GALNT18: variants seen among roughly 807,000 people sequenced by gnomAD.
The protein encoded by GALNT18 is polypeptide N-acetylgalactosaminyltransferase 18.
A neutral mutation model predicts 69.5 loss-of-function variants in GALNT18; 44 were observed. The observed-to-expected ratio is 0.63, with a 90% confidence interval of 0.50 to 0.81. GALNT18 has a LOEUF of 0.81. Among genes scored for constraint, GALNT18 ranks in the 40% least tolerant of loss-of-function variants. GALNT18 has a pLI of 0.00. For missense variants in GALNT18, 715 were observed against 810.0 expected (o/e 0.88, Z 1.42); for synonymous variants, 364 against 318.2 (o/e 1.14, Z -1.53).
At chr11:11,539,255 G>C (rs1479155245) in intron 1 of GALNT18, among the ~76,000 whole-genome samples, 1 of 152,146 alleles carries the variant, frequency 6.6e-6, no homozygotes, top group Non-Finnish European at 1.5e-5. Flanking sequence ...CTGCCCCAAA[G>C]CATGGCTAGT....
chr11:11,458,711 C>T (rs1364280412), intron 1 of GALNT18, among the ~76,000 whole-genome samples: 2 of 152,268 alleles, frequency 1.3e-5, no homozygotes, highest in Non-Finnish European at 2.9e-5. Context: ...GCCGGAACAG[C>T]AGCGTTCAGC....
intron 7 of GALNT18, among the ~76,000 whole-genome samples, chr11:11,335,490 T>G (rs1358147273): frequency 6.6e-6 from 1 of 152,166 alleles, no homozygotes; most frequent in Non-Finnish European, 1.5e-5. Flanking sequence ...TAGAAAACAA[T>G]AAATGCATCT....
intron 1 of GALNT18, among the ~76,000 whole-genome samples, chr11:11,460,036 C>A (rs144070849): frequency 6.6e-6 from 1 of 152,286 alleles, no homozygotes; most frequent in Non-Finnish European, 1.5e-5. Context: ...CATCCCACAT[C>A]GCAGCACTCT....
chr11:11,553,293 A>G (rs11021923), intron 1 of GALNT18, among the ~76,000 whole-genome samples: 7,301 of 152,266 alleles, frequency 0.048, 191 homozygotes, highest in Middle Eastern at 0.068. Flanking sequence ...GGTCCTGAGT[A>G]AACCTTCCCA....
intron 3 of GALNT18, among the ~76,000 whole-genome samples, chr11:11,400,808 C>A (rs1198185553): frequency 2.0e-5 from 3 of 151,870 alleles, no homozygotes; most frequent in Non-Finnish European, 4.4e-5. Context: ...CTCTAATTGG[C>A]TGGATGGTGA....
chr11:11,350,440 C>T (rs995459255), intron 6 of GALNT18, among the ~76,000 whole-genome samples: 10 of 152,206 alleles, frequency 6.6e-5, no homozygotes, highest in African/African-American at 2.4e-4. Context: ...CTCATATCAG[C>T]CAACAGGCCT....
rs1854833971 is a variant in GALNT18 at position 11,415,443 on chromosome 11, G to T, written c.595+17178C>A. The stretch of plus-strand genomic sequence containing the variant: ...AGCCACCTACTTGTATAATAAGTAG[G>T]TCCTCCAAGTTCATGTGAGTCTGTC... On this transcript the variant is annotated intron_variant, in intron 3 of 10. Transcript: ENST00000227756. This position sits in a 1 kb window ranked among gnomAD's most constrained non-coding sequence, Gnocchi z 4.1. Among the ~76,000 whole-genome samples, 1 of 152,054 alleles carries T rather than the reference G, an allele frequency of 6.6e-6. No individual in the cohort carries two copies. Among genetic ancestry groups the T allele is most frequent in the African/African-American group, 2.4e-5 (1 of 41,398 alleles).
intron 9 of GALNT18, among the ~76,000 whole-genome samples, chr11:11,306,127 AC>A (rs1849574028): frequency 6.6e-6 from 1 of 152,118 alleles, no homozygotes. Context: ...GAGGCTCAAT[AC>A]CTTTTTAGCA....
intron 1 of GALNT18, among the ~76,000 whole-genome samples, chr11:11,504,488 G>A (rs1456139556): frequency 2.6e-5 from 4 of 152,090 alleles, no homozygotes; most frequent in African/African-American, 9.7e-5. Flanking sequence ...CGGGCGTGAT[G>A]GCTCATGTGT....
intron 10 of GALNT18, among the ~76,000 whole-genome samples, chr11:11,276,209 G>C (rs1337707228): frequency 1.3e-5 from 2 of 152,156 alleles, no homozygotes; most frequent in African/African-American, 2.4e-5. Context: ...TCATGTCCTT[G>C]AGCAGTGCTT....
intron 3 of GALNT18, among the ~76,000 whole-genome samples, chr11:11,405,976 C>A (rs10765847): frequency 0.35 from 53,655 of 152,020 alleles, 10,227 homozygotes; most frequent in East Asian, 0.69. Context: ...GTCGGCAGTC[C>A]TGCTGGACCA....
chr11:11,360,953 T>C (rs752212237), intron 6 of GALNT18, among the ~76,000 whole-genome samples: 25 of 152,196 alleles, frequency 1.6e-4, no homozygotes, highest in Non-Finnish European at 2.4e-4. Flanking sequence ...CATTGGTAGA[T>C]CAAAGAACAC....
intron 1 of GALNT18, among the ~76,000 whole-genome samples, chr11:11,608,766 T>A (rs758348594): frequency 7.2e-5 from 11 of 152,182 alleles, no homozygotes; most frequent in Non-Finnish European, 1.5e-4. Flanking sequence ...CATGACTGCC[T>A]GCACACTCTC....
At position 11,563,640 on chromosome 11, in the gene GALNT18, G is replaced by C. The variant is rs1324629610; in HGVS notation, c.235+57719C>G. ...AACTAAGGCTCAAAGCCTAAGGCTA[G>C]CTTGTGGTTGCTGGTGGGGGCCCCA... On this transcript the variant is annotated intron_variant, in intron 1 of 10. Transcript: ENST00000227756. The surrounding 1 kb of genome is among the most constrained non-coding windows in gnomAD (Gnocchi z 4.6). 6.6e-6 allele frequency among the ~76,000 whole-genome samples: 1 copy of C among 152,216 alleles called. No homozygotes were observed. The highest frequency in any genetic ancestry group is 1.5e-5 in the Non-Finnish European group (1 of 68,048).
At chr11:11,305,705 G>C (rs1436872854) in intron 9 of GALNT18, among the ~76,000 whole-genome samples, 2 of 152,278 alleles carry the variant, frequency 1.3e-5, no homozygotes, top group Middle Eastern at 3.4e-3. Flanking sequence ...AGAAGGATTT[G>C]TGCTTGGTGT....
chr11:11,279,274 T>G (rs1443231530), intron 10 of GALNT18, among the ~76,000 whole-genome samples: 1 of 152,192 alleles, frequency 6.6e-6, no homozygotes, highest in Non-Finnish European at 1.5e-5. Flanking sequence ...TTTCTTTAAT[T>G]TCTTTGTAGC....
At position 11,392,073 on chromosome 11, in the gene GALNT18, T is replaced by C. The variant is rs181940611; in HGVS notation, c.596-12809A>G. On this transcript the variant is annotated intron_variant, in intron 3 of 10. Coordinates refer to ENST00000227756, the MANE Select transcript of GALNT18 (RefSeq NM_198516.3). The stretch of plus-strand genomic sequence containing the variant: ...CAGGAAGACTTTAGTACTGTTTTTC[T>C]TTGGTTTCCTCTGCCCTTTGGCCCT... Among the ~76,000 whole-genome samples the C allele has an allele frequency of 2.2e-4, 34 of 152,372 alleles. 1 individual carries two copies. The highest frequency in any genetic ancestry group is 8.2e-4 in the African/African-American group (34 of 41,592).
chr11:11,529,103 A>G (rs773960347), intron 1 of GALNT18, among the ~76,000 whole-genome samples: 4 of 152,192 alleles, frequency 2.6e-5, no homozygotes, highest in Non-Finnish European at 4.4e-5. Flanking sequence ...TCCAGGAGGT[A>G]CTACTAGTGC....
intron 1 of GALNT18, among the ~76,000 whole-genome samples, chr11:11,509,377 T>C (rs1857126798): frequency 6.6e-6 from 1 of 152,220 alleles, no homozygotes; most frequent in Non-Finnish European, 1.5e-5. Flanking sequence ...TTTTATATAT[T>C]CATAATTTAA....
Sources: gnomAD v4.1 joint callset for allele counts (sites outside exome capture counted in the v4.1 genomes callset) on GRCh38, gnomAD v4.1.1 for gene constraint, Gnocchi (gnomAD v3.1) non-coding constraint, MANE v1.5 for transcripts, NCBI Gene and HGNC (gene_info 2026-07-23, HGNC 2026-07-21) for gene names.